JAKMIP1: variants seen among roughly 807,000 people sequenced by gnomAD.
The protein encoded by JAKMIP1 is janus kinase and microtubule interacting protein 1.
In JAKMIP1, 33 loss-of-function variants were observed where a neutral mutation model predicts 113.0. The ratio of observed to expected loss-of-function variants is 0.29; its 90% confidence interval spans 0.22 to 0.39. JAKMIP1 has a LOEUF of 0.39. Ranked by LOEUF, JAKMIP1 falls within the 10% of genes least tolerant of loss-of-function variation. The pLI, the probability that JAKMIP1 is intolerant of heterozygous loss-of-function variation, is 1.00. For missense variants in JAKMIP1, 813 were observed against 1,080.5 expected (o/e 0.75, Z 3.47); for synonymous variants, 480 against 459.9 (o/e 1.04, Z -0.56).
intron 1 of JAKMIP1, among the ~76,000 whole-genome samples, chr4:6,124,884 A>G (rs1193045772): frequency 6.6e-6 from 1 of 152,244 alleles, no homozygotes; most frequent in Non-Finnish European, 1.5e-5. Context: ...GCCTGACTTT[A>G]GGCCACCATC....
chr4:6,119,940 A>G (rs764921905), intron 1 of JAKMIP1, among the ~76,000 whole-genome samples: 2 of 152,258 alleles, frequency 1.3e-5, no homozygotes, highest in African/African-American at 2.4e-5. Flanking sequence ...GGAGGATTCA[A>G]GTAACATAGG....
In JAKMIP1 at chr4:6,080,149, C is replaced by T. The variant is rs369523937; in HGVS notation, c.1242+23G>A. ...TGGTGCCACCCCTGCCAGGGGCAGC[C>T]GCGCCAGCTGTGCTAGATGTACCAG... On this transcript the variant is annotated intron_variant, in intron 7 of 20. Transcript: ENST00000409021. The surrounding 1 kb of genome is among the most constrained non-coding windows in gnomAD (Gnocchi z 6.0). 58 of 1,567,678 alleles carry T rather than the reference C, an allele frequency of 3.7e-5. No individual in the cohort carries two copies. The African/African-American group carries it at 5.1e-4, about 14-fold the overall frequency.
In JAKMIP1 at chr4:6,080,335, C is replaced by A; in HGVS notation, c.1102-23G>T. 1 of 1,611,292 alleles carries A rather than the reference C, an allele frequency of 6.2e-7. No homozygotes were observed. The highest frequency in any genetic ancestry group is 1.7e-4 in the Middle Eastern group (1 of 6,052). On this transcript the variant is annotated intron_variant, in intron 6 of 20. Transcript: ENST00000409021. The surrounding 1 kb of genome is among the most constrained non-coding windows in gnomAD (Gnocchi z 6.0). ...TTTCTGCAGCCACAGGGAGACAGAC[C>A]ACCACAGGGTTACCCGCCAACAGTG...
At position 6,180,732 on chromosome 4, in the gene JAKMIP1, G is replaced by A. The variant is rs986816329; in HGVS notation, c.-148+19521C>T. ...GACCCAATTAGCAAGTGGGGGTGGA[G>A]GTTGTAGCAAGTGGATGTTGCAGCT... On this transcript the variant is annotated intron_variant, in intron 1 of 20. Transcript: ENST00000409021. The surrounding 1 kb of genome is among the most constrained non-coding windows in gnomAD (Gnocchi z 4.5). 2.6e-5 allele frequency among the ~76,000 whole-genome samples: 4 copies of A among 152,154 alleles called. No homozygotes were observed. Among genetic ancestry groups the A allele is most frequent in the African/African-American group, 9.7e-5 (4 of 41,424 alleles).
At chr4:6,084,300 A>G (rs1233800984) in intron 5 of JAKMIP1, among the ~76,000 whole-genome samples, 1 of 149,032 alleles carries the variant, frequency 6.7e-6, no homozygotes, top group Non-Finnish European at 1.5e-5. Flanking sequence ...CCTGGGCGAC[A>G]AGAGTGAAAC....
intron 2 of JAKMIP1, among the ~76,000 whole-genome samples, chr4:6,107,934 G>T (rs923106685): frequency 2.0e-5 from 3 of 152,142 alleles, no homozygotes; most frequent in Non-Finnish European, 4.4e-5. Flanking sequence ...GAAGTCTGTT[G>T]TTATCGTGGT....
intron 19 of JAKMIP1, among the ~76,000 whole-genome samples, chr4:6,035,329 C>T (rs1713266607): frequency 1.3e-5 from 2 of 152,082 alleles, no homozygotes; most frequent in Non-Finnish European, 2.9e-5. Flanking sequence ...GGATCTGCAG[C>T]GCAGGGAGCC....
rs922332886 is a variant in JAKMIP1 at position 6,142,856 on chromosome 4, G to C, written c.-147-29859C>G. Among the ~76,000 whole-genome samples the C allele has an allele frequency of 1.3e-5, 2 of 152,198 alleles. No individual in the cohort carries two copies. Among genetic ancestry groups the C allele is most frequent in the Admixed American group, 1.3e-4 (2 of 15,282 alleles). Reference sequence around the variant, plus strand: ...CTTCATTGCTTACAGGTGAGGAAACGGAGGATGGAAAGGTTTAAGGGACAT... The same window carrying C: ...CTTCATTGCTTACAGGTGAGGAAACCGAGGATGGAAAGGTTTAAGGGACAT... On this transcript the variant is annotated intron_variant, in intron 1 of 20. Coordinates refer to ENST00000409021, the MANE Select transcript of JAKMIP1 (RefSeq NM_001099433.2). This position sits in a 1 kb window ranked among gnomAD's most constrained non-coding sequence, Gnocchi z 5.5.
chr4:6,062,030 A>C (rs1349671081), intron 10 of JAKMIP1, among the ~76,000 whole-genome samples: 1 of 152,214 alleles, frequency 6.6e-6, no homozygotes, highest in Non-Finnish European at 1.5e-5. Flanking sequence ...TTCATCACTT[A>C]GTGTTAAATT....
Position 6,026,521 on chromosome 4 carries a change from T to G in JAKMIP1, c.2446-243A>C, listed in dbSNP as rs578181182. 2.0e-5 allele frequency among the ~76,000 whole-genome samples: 3 copies of G among 152,214 alleles called. No homozygotes were observed. In the South Asian group the frequency reaches 6.2e-4, roughly 32 times the overall value. ...CCGACCCACTCTCCAAACATGCAGC[T>G]AACTCATTCAGGGGAGATTGACACT... is the stretch of plus-strand genomic sequence containing the variant. On this transcript the variant is annotated intron_variant, in intron 20 of 20. Transcript: ENST00000409021.
In JAKMIP1 at chr4:6,108,733, A is replaced by G. The variant is rs1714380268; in HGVS notation, c.130-2766T>C. Among the ~76,000 whole-genome samples the G allele has an allele frequency of 6.6e-6, 1 of 152,204 alleles. No individual in the cohort carries two copies. Among genetic ancestry groups the G allele is most frequent in the South Asian group, 2.1e-4 (1 of 4,824 alleles). On this transcript the variant is annotated intron_variant, in intron 2 of 20. Coordinates refer to ENST00000409021, the MANE Select transcript of JAKMIP1 (RefSeq NM_001099433.2). The surrounding 1 kb of genome is among the most constrained non-coding windows in gnomAD (Gnocchi z 5.6). ...CCATCATACATGTATAGTGTTGAAC[A>G]AAGAAAGTGGATGGCAGAGGGGGAA...
At position 6,150,862 on chromosome 4, in the gene JAKMIP1, G is replaced by A. The variant is rs185703501; in HGVS notation, c.-147-37865C>T. On this transcript the variant is annotated intron_variant, in intron 1 of 20. Coordinates refer to ENST00000409021, the MANE Select transcript of JAKMIP1 (RefSeq NM_001099433.2). This position sits in a 1 kb window ranked among gnomAD's most constrained non-coding sequence, Gnocchi z 4.8. ...CAAGACAGTAATAATGTCTGCCACC[G>A]GAAGACACCCAGTGCAACACCTGAA... Among the ~76,000 whole-genome samples, 5 of 152,246 alleles carry A rather than the reference G, an allele frequency of 3.3e-5. No individual in the cohort carries two copies. Among genetic ancestry groups the A allele is most frequent in the Middle Eastern group, 3.4e-3 (1 of 294 alleles).
intron 8 of JAKMIP1, among the ~76,000 whole-genome samples, chr4:6,066,240 G>C (rs1560132862): frequency 6.6e-6 from 1 of 152,072 alleles, no homozygotes; most frequent in Non-Finnish European, 1.5e-5. Context: ...GTAAATGTGA[G>C]AAAAATGTGA....
In JAKMIP1 at chr4:6,035,955, G is replaced by A. The variant is rs898744590; in HGVS notation, c.2328C>T (p.Phe776=). Residue 776 remains phenylalanine, a synonymous_variant, in exon 19 of 21, where the codon TTC becomes TTT. Coordinates refer to ENST00000409021, the MANE Select transcript of JAKMIP1 (RefSeq NM_001099433.2). ...RRQILRQSRE[F]DSQILRERME... ...TGCGCTCCCGCAGGATCTGGCTGTCGAACTCGCGGCTCTGCCTGAGGATCT... is the reference window on the plus strand; with the variant it reads ...TGCGCTCCCGCAGGATCTGGCTGTCAAACTCGCGGCTCTGCCTGAGGATCT... 2.6e-5 allele frequency: 40 copies of A among 1,551,244 alleles called. No individual in the cohort carries two copies. The highest frequency in any genetic ancestry group is 4.1e-5 in the African/African-American group (3 of 73,068).
At chr4:6,190,728 C>T (rs570016643) in intron 1 of JAKMIP1, among the ~76,000 whole-genome samples, 4 of 152,348 alleles carry the variant, frequency 2.6e-5, no homozygotes, top group African/African-American at 9.6e-5. Flanking sequence ...TGCCCCCCGG[C>T]ATCTCTCCAT....
chr4:6,036,207 T>C, intron 18 of JAKMIP1, 100 bp from the exon 19 acceptor site: 1 of 988,668 alleles, frequency 1.0e-6, no homozygotes, highest in South Asian at 1.7e-5. Flanking sequence ...GGGAGGGGGG[T>C]TTCGGGCAGG....
At chr4:6,177,857 G>A (rs889860343) in intron 1 of JAKMIP1, among the ~76,000 whole-genome samples, 4 of 152,198 alleles carry the variant, frequency 2.6e-5, no homozygotes, top group Non-Finnish European at 5.9e-5. Context: ...GCTGCAGGCT[G>A]TCCCTCTGCC....
Position 6,168,273 on chromosome 4 carries a change from C to G in JAKMIP1, c.-148+31980G>C, listed in dbSNP as rs1187171022. On this transcript the variant is annotated intron_variant, in intron 1 of 20. Coordinates refer to ENST00000409021, the MANE Select transcript of JAKMIP1 (RefSeq NM_001099433.2). This position sits in a 1 kb window ranked among gnomAD's most constrained non-coding sequence, Gnocchi z 4.6. The stretch of plus-strand genomic sequence containing the variant: ...AACGCAGAATCACCCTGTGACCTCG[C>G]AGTTCTACTCCTAAATATGTAACTG... Among the ~76,000 whole-genome samples the G allele has an allele frequency of 6.6e-6, 1 of 152,182 alleles. No individual in the cohort carries two copies. Among genetic ancestry groups the G allele is most frequent in the Non-Finnish European group, 1.5e-5 (1 of 68,038 alleles).
rs78574474 is a variant in JAKMIP1 at position 6,088,973 on chromosome 4, C to T, written c.625-3344G>A. On this transcript the variant is annotated intron_variant, in intron 3 of 20. Coordinates refer to ENST00000409021, the MANE Select transcript of JAKMIP1 (RefSeq NM_001099433.2). The surrounding 1 kb of genome is among the most constrained non-coding windows in gnomAD (Gnocchi z 5.5). ...ATTGGCTCATGCCACCCAAATGTCCCTGTCCCAACAGTAATTGCTTCAGGG... is the reference window on the plus strand; with the variant it reads ...ATTGGCTCATGCCACCCAAATGTCCTTGTCCCAACAGTAATTGCTTCAGGG... Among the ~76,000 whole-genome samples the T allele has an allele frequency of 0.017, 2,623 of 152,354 alleles. 40 individuals carry two copies. The highest frequency in any genetic ancestry group is 0.027 in the Middle Eastern group (8 of 294).
Sources: gnomAD v4.1 joint callset for allele counts (sites outside exome capture counted in the v4.1 genomes callset) on GRCh38, gnomAD v4.1.1 for gene constraint, Gnocchi (gnomAD v3.1) non-coding constraint, MANE v1.5 for transcripts, NCBI Gene and HGNC (gene_info 2026-07-23, HGNC 2026-07-21) for gene names.